The following ZNF831 variants were observed in gnomAD, a reference collection of about 807,000 sequenced individuals.
ZNF831 encodes the protein chromosome 20 open reading frame 174.
ZNF831 carries 59 observed loss-of-function variants against 95.8 expected under a neutral mutation model. That is an observed-to-expected ratio of 0.62 (90% confidence interval 0.50 to 0.77). The LOEUF is 0.77. Among genes scored for constraint, ZNF831 ranks in the 30% least tolerant of loss-of-function variants. The pLI is 0.00. For missense variants in ZNF831, 2,205 were observed against 2,164.0 expected, an observed-to-expected ratio of 1.02 and a Z score of -0.38; for synonymous variants, 961 against 925.5, an observed-to-expected ratio of 1.04 and a Z score of -0.70.
chr20:59,193,480 G>A lies in ZNF831; in HGVS notation c.2461G>A (p.Glu821Lys). 6.2e-7 allele frequency: 1 copy of A among 1,610,630 alleles called. No individual in the cohort carries two copies. The highest frequency in any genetic ancestry group is 8.5e-7 in the Non-Finnish European group (1 of 1,178,288). ...RGSGEDKLPS[E>K]RKKLKVEDLH... ...CTCAGGGGAGGACAAGCTCCCCTCA[G>A]AGAGGAAGAAGCTGAAAGTGGAGGA... The change falls in exon 2 of 6, where the codon GAG becomes AAG. Residue 821 changes from glutamate (E) to lysine (K), a missense_variant. Transcript: ENST00000371030.
chr20:59,212,893 T>G (rs1029853247), intron 4 of ZNF831, among the ~76,000 whole-genome samples: 26 of 152,242 alleles, frequency 1.7e-4, no homozygotes, highest in African/African-American at 6.0e-4. Context: ...GGAAATTGAT[T>G]GCTAAGTGAA....
chr20:59,153,997 C>T (rs1402456019), intron 2 of ZNF831, among the ~76,000 whole-genome samples: 1 of 152,114 alleles, frequency 6.6e-6, no homozygotes, highest in Admixed American at 6.5e-5. Flanking sequence ...GTGGAGACTC[C>T]TGCAGCCTGG....
intron 1 of ZNF831, among the ~76,000 whole-genome samples, chr20:59,172,405 C>T (rs1330288328): frequency 6.6e-6 from 1 of 152,176 alleles, no homozygotes; most frequent in Non-Finnish European, 1.5e-5. Context: ...ATAGTGGTGT[C>T]CCCTACAGCT....
At chr20:59,230,387 G>A (rs151291138) in intron 4 of ZNF831, among the ~76,000 whole-genome samples, 331 of 152,196 alleles carry the variant, frequency 2.2e-3, no homozygotes, top group African/African-American at 7.5e-3. Context: ...TAGGAGGATC[G>A]CTTGAACCCA....
intron 1 of ZNF831, among the ~76,000 whole-genome samples, chr20:59,188,531 C>T (rs1983247051): frequency 1.3e-5 from 2 of 152,126 alleles, no homozygotes; most frequent in South Asian, 4.1e-4. Context: ...GTGGTGCACG[C>T]CTGTAGTCCC....
chr20:59,176,475 A>G (rs953663789), intron 1 of ZNF831, among the ~76,000 whole-genome samples: 1 of 152,164 alleles, frequency 6.6e-6, no homozygotes, highest in Non-Finnish European at 1.5e-5. Context: ...ACCTTAATTA[A>G]AAAAATACAT....
chr20:59,153,647 C>G (rs537926869), intron 2 of ZNF831, among the ~76,000 whole-genome samples: 1 of 149,132 alleles, frequency 6.7e-6, no homozygotes, highest in Non-Finnish European at 1.5e-5. Flanking sequence ...GCTGGTGACC[C>G]CATCAAGCTG....
chr20:59,251,073 A>G (rs989118428), intron 4 of ZNF831, among the ~76,000 whole-genome samples: 2 of 152,250 alleles, frequency 1.3e-5, no homozygotes, highest in East Asian at 1.9e-4. Flanking sequence ...CCAAAAAAAG[A>G]TAAGCCTATG....
intron 1 of ZNF831, among the ~76,000 whole-genome samples, chr20:59,171,035 C>A (rs1189719802): frequency 2.0e-5 from 3 of 152,218 alleles, no homozygotes; most frequent in African/African-American, 7.2e-5. Flanking sequence ...GTGAACCCCC[C>A]AGCCACAGGC....
At chr20:59,236,379 C>T (rs1317452517) in intron 4 of ZNF831, among the ~76,000 whole-genome samples, 1 of 152,120 alleles carries the variant, frequency 6.6e-6, no homozygotes, top group Non-Finnish European at 1.5e-5. Context: ...TTGATTTCTC[C>T]CTTTGAAGAG....
intron 1 of ZNF831, among the ~76,000 whole-genome samples, chr20:59,166,589 C>G (rs77845367): frequency 1.2e-4 from 18 of 152,226 alleles, no homozygotes; most frequent in Middle Eastern, 3.4e-3. Context: ...CTCTCCCCCC[C>G]AACCCCTTAA....
rs950453462 is a variant in ZNF831, at chr20:59,174,174, G to A, written c.-37+9967G>A. ...ATGCATAGAGGAAGTGGGGCTTGCA[G>A]AGGAAACGGCCACTGTGTGTGGACT... On this transcript the variant is annotated intron_variant, in intron 1 of 5. Transcript: ENST00000371030. 7.2e-5 allele frequency among the ~76,000 whole-genome samples: 11 copies of A among 152,278 alleles called. No individual in the cohort carries two copies. The South Asian group carries it at 1.2e-3, about 17-fold the overall frequency.
chr20:59,155,542 C>A (rs1460264627), intron 2 of ZNF831, among the ~76,000 whole-genome samples: 2 of 152,118 alleles, frequency 1.3e-5, no homozygotes, highest in African/African-American at 4.8e-5. Flanking sequence ...GAGGGGGTAG[C>A]AAATTGGTTT....
At chr20:59,204,548 G>C (rs1386659373) in intron 3 of ZNF831, among the ~76,000 whole-genome samples, 1 of 152,140 alleles carries the variant, frequency 6.6e-6, no homozygotes, top group African/African-American at 2.4e-5. Context: ...TTCTCTGTGG[G>C]GTCAAGAGAG....
At chr20:59,158,143 C>G (rs968994682) in intron 2 of ZNF831, among the ~76,000 whole-genome samples, 1 of 152,228 alleles carries the variant, frequency 6.6e-6, no homozygotes, top group Non-Finnish European at 1.5e-5. Flanking sequence ...GGCTTTGCTT[C>G]TGTTCCTCAG....
intron 1 of ZNF831, among the ~76,000 whole-genome samples, chr20:59,165,183 G>A (rs1332782573): frequency 6.6e-6 from 1 of 152,174 alleles, no homozygotes; most frequent in Non-Finnish European, 1.5e-5. Flanking sequence ...TGCCATGTGA[G>A]CAGGGTTACC....
At chr20:59,209,593 G>A (rs912139182) in intron 4 of ZNF831, among the ~76,000 whole-genome samples, 4 of 152,222 alleles carry the variant, frequency 2.6e-5, no homozygotes, top group African/African-American at 9.6e-5. Context: ...CTCCACTTGG[G>A]TGTCACCTGT....
At chr20:59,159,156 T>C (rs1980703749), upstream of ZNF831, among the ~76,000 whole-genome samples, 1 of 152,114 alleles carries the variant, frequency 6.6e-6, no homozygotes, top group Admixed American at 6.5e-5. Flanking sequence ...TAAATACAGA[T>C]GACTTGTGGT....
chr20:59,155,821 C>T (rs1474783922), intron 2 of ZNF831, among the ~76,000 whole-genome samples: 1 of 152,194 alleles, frequency 6.6e-6, no homozygotes, highest in East Asian at 1.9e-4. Context: ...AACAATTCTC[C>T]TCCTCTGGGA....
Sources: gnomAD v4.1 joint callset for allele counts (sites outside exome capture counted in the v4.1 genomes callset) on GRCh38, gnomAD v4.1.1 for gene constraint, MANE v1.5 for transcripts, NCBI Gene and HGNC (gene_info 2026-07-23, HGNC 2026-07-21) for gene names.